Variants in CFAP65 observed in about 807,000 individuals in gnomAD.
CFAP65 encodes cilia- and flagella-associated protein 65.
In CFAP65, 155 loss-of-function variants were observed where a neutral mutation model predicts 208.0. That is an observed-to-expected ratio of 0.75 (90% CI 0.65 to 0.85). The LOEUF (loss-of-function observed/expected upper bound fraction) is 0.85. Ranked by LOEUF, CFAP65 falls within the 40% of genes least tolerant of loss-of-function variation. CFAP65 has a pLI of 0.00. For synonymous variants in CFAP65, 970 were observed against 986.3 expected, an observed-to-expected ratio of 0.98 and a Z score of 0.31; for missense variants, 2,294 against 2,451.3, an observed-to-expected ratio of 0.94 and a Z score of 1.36.
rs1559148983 is a variant in CFAP65 at position 219,027,885 on chromosome 2, T to A, written c.1976A>T (p.Asp659Val). The A allele has an allele frequency of 6.4e-7, 1 of 1,555,372 alleles. No homozygotes were observed. Among genetic ancestry groups the A allele is most frequent in the Non-Finnish European group, 8.7e-7 (1 of 1,148,414 alleles). ...CTCAGGCCCTGGGCAGGCACCGAAG[T>A]CTACCTCGACAGGCTCTACACTGAT... The part of the protein sequence containing the change: ...PPISVEPVEV[D>V]FGACPGPEAP... Residue 659 changes from aspartate (D) to valine (V), a missense_variant, in exon 13 of 35, where the codon GAC becomes GTC. Asp to Val is a radical substitution (Grantham distance 152). Transcript: ENST00000341552.
At chr2:219,005,214 T>C (rs1241120367) in intron 32 of CFAP65, among the ~76,000 whole-genome samples, 2 of 151,990 alleles carry the variant, frequency 1.3e-5, no homozygotes, top group Non-Finnish European at 2.9e-5. Context: ...TTTGTAGAGA[T>C]GGGGTCTTGC....
intron 21 of CFAP65, 76 bp from the exon 22 acceptor site, chr2:219,014,120 G>A (rs1946677644): frequency 7.4e-7 from 1 of 1,346,146 alleles, no homozygotes; most frequent in South Asian, 1.5e-5. Context: ...AGACCCTGAT[G>A]GGCAGGTGGA....
At chr2:219,035,736 A>G in intron 4 of CFAP65, 72 bp from the exon 5 acceptor site, 1 of 1,529,434 alleles carries the variant, frequency 6.5e-7, no homozygotes, top group African/African-American at 1.4e-5. Context: ...GACCCAGAGA[A>G]CAGGTGAAGG....
intron 11 of CFAP65, among the ~76,000 whole-genome samples, chr2:219,028,896 AG>A (rs1033283372): frequency 2.0e-4 from 31 of 152,204 alleles, no homozygotes; most frequent in African/African-American, 7.2e-4. Flanking sequence ...GCACCAGCTC[AG>A]GGAGGGATCA....
Position 219,004,052 on chromosome 2 carries a change from G to A in CFAP65, c.5455C>T (p.Gln1819Ter). Reference protein sequence around the residue: ...VSWAGIGPTPQPESQESMQWQ... With the variant: ...VSWAGIGPTP ...TGCATGGACTCCTGGGACTCAGGCT[G>A]TGGTGTGGGCCCGATGCCCGCCCAG... Residue 1819 changes from glutamine (Q) to a stop codon, truncating the protein, a stop_gained, in exon 33 of 35, where the codon CAG (glutamine) becomes TAG (stop). Coordinates refer to ENST00000341552, the MANE Select transcript of CFAP65 (RefSeq NM_194302.4). LOFTEE classifies it high-confidence loss of function. This position sits in a 1 kb window ranked among gnomAD's most constrained non-coding sequence, Gnocchi z 4.7. 1.2e-6 allele frequency: 2 copies of A among 1,614,082 alleles called. No homozygotes were observed. Among genetic ancestry groups the A allele is most frequent in the South Asian group, 2.2e-5 (2 of 91,078 alleles).
In CFAP65 at chr2:219,029,380, C is replaced by T. The variant is rs200833554; in HGVS notation, c.1650+23G>A. 15 of 1,604,306 alleles carry T rather than the reference C, an allele frequency of 9.3e-6. No homozygotes were observed. In the East Asian group the frequency reaches 3.1e-4, roughly 33 times the overall value. On this transcript the variant is annotated intron_variant, in intron 11 of 34. Coordinates refer to ENST00000341552, the MANE Select transcript of CFAP65 (RefSeq NM_194302.4). The stretch of plus-strand genomic sequence containing the variant: ...CCAGGGGAGCCCCTCCTCCCTCAGC[C>T]TCATGCCCTCCCCACGACTCACCTG...
At position 219,029,708 on chromosome 2, in the gene CFAP65, T is replaced by C. The variant is rs370747338; in HGVS notation, c.1385-40A>G. ...TGGGGTATCAGCTTCCCCAAGGATA[T>C]CTTAGACAAAGTTCCACTGAAGGGA... On this transcript the variant is annotated intron_variant, in intron 10 of 34. Transcript: ENST00000341552. The C allele has an allele frequency of 8.1e-6, 13 of 1,595,816 alleles. No homozygotes were observed. In the African/African-American group the frequency reaches 1.6e-4, roughly 20 times the overall value.
chr2:219,021,565 C>G (rs779320907), intron 18 of CFAP65, among the ~76,000 whole-genome samples: 2 of 152,114 alleles, frequency 1.3e-5, no homozygotes, highest in Non-Finnish European at 2.9e-5. Context: ...GGTGGGGTCT[C>G]GCTATGTTGC....
At chr2:219,022,353 G>A (rs1235908195) in intron 16 of CFAP65, 24 bp from the exon 17 acceptor site, 14 of 1,579,160 alleles carry the variant, frequency 8.9e-6, no homozygotes, top group Non-Finnish European at 1.1e-5. Flanking sequence ...AATGATCCCT[G>A]CAGTGGCCTT....
intron 1 of CFAP65, 139 bp downstream of exon 1, chr2:219,041,349 G>A (rs1015218257): frequency 1.3e-5 from 10 of 793,544 alleles, no homozygotes; most frequent in Non-Finnish European, 2.1e-5. Context: ...TCAGTCCCAT[G>A]GGGCTCTCTG....
At chr2:219,039,129 T>C (rs556123007) in intron 2 of CFAP65, 79 bp from the exon 3 acceptor site, 65 of 1,243,754 alleles carry the variant, frequency 5.2e-5, no homozygotes, top group African/African-American at 1.8e-4. Context: ...TGAAATCATA[T>C]GCAAATATAT....
chr2:219,033,236 C>G (rs1948159505), intron 5 of CFAP65, among the ~76,000 whole-genome samples: 1 of 152,162 alleles, frequency 6.6e-6, no homozygotes, highest in Admixed American at 6.5e-5. Context: ...CTTTGAGAGG[C>G]TAAGGCGGGA....
At position 219,005,543 on chromosome 2, in the gene CFAP65, C is replaced by T. The variant is rs769364439; in HGVS notation, c.4942G>A (p.Ala1648Thr). The T allele has an allele frequency of 6.2e-6, 10 of 1,612,116 alleles. No individual in the cohort carries two copies. Among genetic ancestry groups the T allele is most frequent in the Middle Eastern group, 4.2e-4 (2 of 4,798 alleles). ...FLHRELPKRK[A>T]PREESETSEE... ...GAAGTCTCTGACTCTTCCCTGGGGGCCTTCCTCTTTGGCAGCTCCCTGTGG... is the reference window on the plus strand; with the variant it reads ...GAAGTCTCTGACTCTTCCCTGGGGGTCTTCCTCTTTGGCAGCTCCCTGTGG... The change falls in exon 32 of 35, where the codon GCC becomes ACC. Residue 1648 changes from alanine (A) to threonine (T), a missense_variant. Coordinates refer to ENST00000341552, the MANE Select transcript of CFAP65 (RefSeq NM_194302.4).
chr2:219,006,812 T>C (rs182822413), intron 29 of CFAP65, among the ~76,000 whole-genome samples: 2,926 of 136,854 alleles, frequency 0.021, 101 homozygotes, highest in African/African-American at 0.077. Flanking sequence ...CCAGCCTGGG[T>C]GACACAGCGA....
At position 219,036,075 on chromosome 2, in the gene CFAP65, C is replaced by T. The variant is rs542150419; in HGVS notation, c.358-411G>A. ...CCTGCCCCTTGCTACACATGCCTCT[C>T]CTAGCTAGAGCAGTCTATCCCAGGC... is the stretch of plus-strand genomic sequence containing the variant. On this transcript the variant is annotated intron_variant, in intron 4 of 34. Coordinates refer to ENST00000341552, the MANE Select transcript of CFAP65 (RefSeq NM_194302.4). Among the ~76,000 whole-genome samples the T allele has an allele frequency of 1.4e-4, 22 of 152,330 alleles. No individual in the cohort carries two copies. The South Asian group carries it at 4.1e-3, about 29-fold the overall frequency.
In CFAP65 at chr2:219,032,495, G is replaced by A. The variant is rs1948115119; in HGVS notation, c.620C>T (p.Pro207Leu). ...FLSPGITLTL[P>L]IVFRPLEAKE... ...CGCCTCCAGAGGCCGGAAGACGATGGGGAGCGTGAGGGTTATGCCTGGGCT... is the reference window on the plus strand; with the variant it reads ...CGCCTCCAGAGGCCGGAAGACGATGAGGAGCGTGAGGGTTATGCCTGGGCT... The change falls in exon 6 of 35, where the codon CCC becomes CTC. Residue 207 changes from proline to leucine, a missense_variant. Physicochemically the swap from Pro to Leu is moderately conservative, Grantham distance 98. Around this residue, in one of 2 missense-constraint regions of CFAP65, gnomAD observed 867 missense variants for 1,012.6 expected, o/e 0.86. Coordinates refer to ENST00000341552, the MANE Select transcript of CFAP65 (RefSeq NM_194302.4). The surrounding 1 kb of genome is among the most constrained non-coding windows in gnomAD (Gnocchi z 5.5). The A allele has an allele frequency of 1.2e-6, 2 of 1,603,106 alleles. No individual in the cohort carries two copies. Among genetic ancestry groups the A allele is most frequent in the East Asian group, 2.2e-5 (1 of 44,470 alleles).
intron 5 of CFAP65, 96 bp downstream of exon 5, chr2:219,035,384 A>G: frequency 6.2e-7 from 1 of 1,607,792 alleles, no homozygotes; most frequent in Non-Finnish European, 8.5e-7. Flanking sequence ...ATGGCATGTT[A>G]AAGGTTTTTT....
At chr2:219,029,860 AG>A in intron 10 of CFAP65, 125 bp downstream of exon 10, 2 of 1,118,180 alleles carry the variant, frequency 1.8e-6, no homozygotes, top group Non-Finnish European at 2.5e-6. Context: ...CAGGGCCACC[AG>A]GGGGCAGCAG....
At position 219,003,822 on chromosome 2, in the gene CFAP65, T is replaced by G; in HGVS notation, c.5555+130A>C. On this transcript the variant is annotated intron_variant, in intron 33 of 34. Coordinates refer to ENST00000341552, the MANE Select transcript of CFAP65 (RefSeq NM_194302.4). The surrounding 1 kb of genome is among the most constrained non-coding windows in gnomAD (Gnocchi z 4.4). ...CCACAGAGGCCTTAAGCTACCAACATGACCTCACTAAGCACTGAATTAGGA... is the reference window on the plus strand; with the variant it reads ...CCACAGAGGCCTTAAGCTACCAACAGGACCTCACTAAGCACTGAATTAGGA... 14 of 1,121,112 alleles carry G rather than the reference T, an allele frequency of 1.2e-5. No individual in the cohort carries two copies. Among genetic ancestry groups the G allele is most frequent in the Non-Finnish European group, 1.7e-5 (13 of 782,008 alleles). The allele number at this position is 1,121,112 out of a possible 1,614,324, so 69.4% of individuals were successfully genotyped here.
Sources: gnomAD v4.1 joint callset for allele counts (sites outside exome capture counted in the v4.1 genomes callset) on GRCh38, gnomAD v4.1.1 for gene constraint, gnomAD v4.1.1 regional missense constraint, Gnocchi (gnomAD v3.1) non-coding constraint, MANE v1.5 for transcripts, NCBI Gene and HGNC (gene_info 2026-07-23, HGNC 2026-07-21) for gene names.